The following TRERF1 variants were observed in gnomAD, a reference collection of about 807,000 sequenced individuals.
TRERF1 encodes the protein transcriptional-regulating factor 1.
Under a neutral mutation model 122.9 loss-of-function variants are expected in TRERF1, and 27 were observed. That is an observed-to-expected ratio of 0.22 (90% CI 0.16 to 0.30). The LOEUF is 0.30. TRERF1 is among the 10% of genes least tolerant of loss of function. The probability of loss-of-function intolerance (pLI) is 1.00; values close to 1 mark genes in which losing one functional copy is unlikely to be tolerated. For missense variants in TRERF1, 1,248 were observed against 1,560.3 expected (o/e 0.80, Z 3.37); for synonymous variants, 636 against 641.7 (o/e 0.99, Z 0.13).
chr6:42,246,744 A>G (rs965883591), intron 13 of TRERF1, among the ~76,000 whole-genome samples, 200 bp from the exon 14 acceptor site: 1 of 152,184 alleles, frequency 6.6e-6, no homozygotes, highest in Non-Finnish European at 1.5e-5. Flanking sequence ...TATGGCCTTG[A>G]CCTTGGCAAG....
rs78123058 is a variant in TRERF1 at position 42,290,765 on chromosome 6, G to A, written c.-259+9873C>T. ...CCTTTTTTTTTTTTTTTTTTTTTTTGAACAGAAGAGTAAAAAGCTCATAAT... is the reference window on the plus strand; with the variant it reads ...CCTTTTTTTTTTTTTTTTTTTTTTTAAACAGAAGAGTAAAAAGCTCATAAT... On this transcript the variant is annotated intron_variant, in intron 4 of 17. Coordinates refer to ENST00000372922, the Ensembl canonical transcript of TRERF1. Among the ~76,000 whole-genome samples the A allele has an allele frequency of 5.9e-3, 105 of 17,820 alleles. No individual in the cohort carries two copies. The East Asian group carries it at 0.095, about 16-fold the overall frequency. The allele number at this position is 17,820 out of a possible 152,430, so 11.7% of individuals were successfully genotyped here. A position where few individuals can be genotyped will look rare whatever the true frequency, so the allele number is the denominator to read the frequency against.
chr6:42,304,866 C>T (rs1359970098), intron 3 of TRERF1, among the ~76,000 whole-genome samples: 1 of 152,206 alleles, frequency 6.6e-6, no homozygotes, highest in Admixed American at 6.5e-5. Context: ...ACAGATAGCT[C>T]CTCCCAGGAG....
chr6:42,321,015 C>T (rs1009234576), intron 3 of TRERF1, among the ~76,000 whole-genome samples: 1 of 152,056 alleles, frequency 6.6e-6, no homozygotes, highest in Non-Finnish European at 1.5e-5. Flanking sequence ...GCTCATGACT[C>T]AGAGACGCCA....
rs1193980359 is a variant in TRERF1, at chr6:42,315,752, T to A, written c.-370-15003A>T. ...CACCCCCTAACGTCATAGTGAAGTG[T>A]CTGAGGGCTGGAGAACGCTGCAAGT... On this transcript the variant is annotated intron_variant, in intron 3 of 17. Transcript: ENST00000372922. Among the ~76,000 whole-genome samples the A allele has an allele frequency of 3.8e-5, 5 of 130,052 alleles. No individual in the cohort carries two copies. In the South Asian group the frequency reaches 1.0e-3, roughly 27 times the overall value. The allele number at this position is 130,052 out of a possible 152,430, so 85.3% of individuals were successfully genotyped here.
chr6:42,276,296 A>G lies in TRERF1; in HGVS notation c.-258-6448T>C, dbSNP rs148048221. Among the ~76,000 whole-genome samples, 1 of 152,358 alleles carries G rather than the reference A, an allele frequency of 6.6e-6. No individual in the cohort carries two copies. The highest frequency in any genetic ancestry group is 1.9e-4 in the East Asian group (1 of 5,190). On this transcript the variant is annotated intron_variant, in intron 4 of 17. Transcript: ENST00000372922. This position sits in a 1 kb window ranked among gnomAD's most constrained non-coding sequence, Gnocchi z 4.3. ...TCTCCGCAGGACTTGTTTGCTTACA[A>G]TTCAGAAGGGGTAACACCCTGCTCC...
chr6:42,239,632 T>C (rs1466501309), intron 15 of TRERF1, among the ~76,000 whole-genome samples: 1 of 152,188 alleles, frequency 6.6e-6, no homozygotes, highest in African/African-American at 2.4e-5. Context: ...TGAAGATACA[T>C]GATCAGGAGA....
At chr6:42,245,422 G>A (rs1225852166) in intron 14 of TRERF1, among the ~76,000 whole-genome samples, 1 of 152,236 alleles carries the variant, frequency 6.6e-6, no homozygotes, top group East Asian at 1.9e-4. Flanking sequence ...GGACACCTCC[G>A]AGGACCATCT....
intron 2 of TRERF1, among the ~76,000 whole-genome samples, chr6:42,383,282 A>G (rs1776260917): frequency 6.6e-6 from 1 of 152,188 alleles, no homozygotes; most frequent in Non-Finnish European, 1.5e-5. Context: ...TGTAACTCAC[A>G]TACTGTTTAC....
At chr6:42,245,147 A>G (rs1774535866) in intron 14 of TRERF1, among the ~76,000 whole-genome samples, 1 of 152,240 alleles carries the variant, frequency 6.6e-6, no homozygotes. Flanking sequence ...ACACGAATCC[A>G]TCATCAGTCG....
intron 4 of TRERF1, among the ~76,000 whole-genome samples, chr6:42,291,117 A>G (rs560149618): frequency 1.6e-4 from 24 of 152,340 alleles, no homozygotes; most frequent in African/African-American, 5.5e-4. Flanking sequence ...TGAGGTCAGA[A>G]CTGTCTTCTC....
At chr6:42,278,079 A>C (rs1374920949) in intron 4 of TRERF1, among the ~76,000 whole-genome samples, 2 of 152,188 alleles carry the variant, frequency 1.3e-5, no homozygotes, top group African/African-American at 4.8e-5. Flanking sequence ...CTTTCTCTAC[A>C]TCCAGATAAT....
rs766539303 is a variant in TRERF1 at position 42,243,367 on chromosome 6, G to A, written c.2746-6C>T. The A allele has an allele frequency of 9.3e-6, 15 of 1,606,930 alleles. No homozygotes were observed. The highest frequency in any genetic ancestry group is 2.2e-5 in the East Asian group (1 of 44,792). On this transcript the variant is annotated splice_region_variant and splice_polypyrimidine_tract_variant and intron_variant, in intron 14 of 17. Coordinates refer to ENST00000372922, the Ensembl canonical transcript of TRERF1. ...GCCACCGTCTTGGACTTCACCTGCC[G>A]GGAAAGCGAACTCAAGGTTAGCTCC...
intron 3 of TRERF1, among the ~76,000 whole-genome samples, chr6:42,357,066 C>G (rs538792987): frequency 6.6e-6 from 1 of 152,124 alleles, no homozygotes; most frequent in East Asian, 1.9e-4. Flanking sequence ...TGCGGTGACT[C>G]ACGCCTGTAA....
Position 42,228,126 on chromosome 6 carries a change from T to C in TRERF1, c.*219A>G, listed in dbSNP as rs1582382824. 2.1e-6 allele frequency: 1 copy of C among 466,624 alleles called. No individual in the cohort carries two copies. Among genetic ancestry groups the C allele is most frequent in the Non-Finnish European group, 3.8e-6 (1 of 266,434 alleles). 28.9% of individuals were successfully genotyped at this position (466,624 alleles called of 1,614,324 possible). A position where few individuals can be genotyped will look rare whatever the true frequency, so the allele number is the denominator to read the frequency against. On this transcript the variant is annotated 3_prime_UTR_variant, in exon 18 of 18. Transcript: ENST00000372922. The surrounding 1 kb of genome is among the most constrained non-coding windows in gnomAD (Gnocchi z 4.2). ...GCCCAGATGAAACACCTCTTAAAGA[T>C]AGTTGTGCCAATTATTTATTCCCCC... is the stretch of plus-strand genomic sequence containing the variant.
At chr6:42,337,027 A>G (rs570240278) in intron 3 of TRERF1, among the ~76,000 whole-genome samples, 2 of 152,264 alleles carry the variant, frequency 1.3e-5, no homozygotes, top group South Asian at 4.1e-4. Context: ...AAGAGTGGGC[A>G]TTTGGAATGG....
chr6:42,436,809 AAAAAAATATATATAT>A (rs1237518933), intron 2 of TRERF1, among the ~76,000 whole-genome samples: 22 of 117,062 alleles, frequency 1.9e-4, no homozygotes, highest in Non-Finnish European at 3.0e-4. Flanking sequence ...ACAAAAAAAA[AAAAAAATATATATAT>A]ATATATATAT....
intron 2 of TRERF1, among the ~76,000 whole-genome samples, chr6:42,390,699 C>G (rs923847791): frequency 1.3e-5 from 2 of 152,190 alleles, no homozygotes; most frequent in African/African-American, 4.8e-5. Context: ...GAAAGTACAG[C>G]CAAAATTTCA....
At chr6:42,369,877 G>A (rs552352078) in intron 2 of TRERF1, among the ~76,000 whole-genome samples, 6 of 151,982 alleles carry the variant, frequency 3.9e-5, no homozygotes, top group Non-Finnish European at 5.9e-5. Context: ...AAACTTCTCC[G>A]TCTCCTCCTT....
chr6:42,400,143 A>G (rs1315767623), intron 2 of TRERF1, among the ~76,000 whole-genome samples: 1 of 152,238 alleles, frequency 6.6e-6, no homozygotes, highest in Non-Finnish European at 1.5e-5. Context: ...GAGGAGTCAC[A>G]GGACCTGCAT....
Sources: allele counts gnomAD v4.1 joint callset (sites outside exome capture counted in the v4.1 genomes callset), GRCh38; gene constraint gnomAD v4.1.1; non-coding constraint Gnocchi (gnomAD v3.1); transcripts MANE v1.5; gene names NCBI Gene and HGNC (gene_info 2026-07-23, HGNC 2026-07-21).